The following A2ML1 variants were observed in gnomAD, a reference collection of about 807,000 sequenced individuals.
The protein encoded by A2ML1 is alpha-2-macroglobulin-like protein 1.
A neutral mutation model predicts 181.9 loss-of-function variants in A2ML1; 161 were observed. The ratio of observed to expected loss-of-function variants is 0.89; its 90% CI spans 0.78 to 1.01. A2ML1 has a LOEUF of 1.01. Among genes scored for constraint, A2ML1 ranks in the 50% least tolerant of loss-of-function variants. The pLI, the probability that A2ML1 is intolerant of heterozygous loss-of-function variation, is 0.00. For missense variants in A2ML1, 1,670 were observed against 1,768.1 expected (o/e 0.94, Z 1.00); for synonymous variants, 663 against 666.8 (o/e 0.99, Z 0.09).
intron 3 of A2ML1, among the ~76,000 whole-genome samples, chr12:8,826,899 G>A (rs150328902): frequency 7.9e-5 from 12 of 152,158 alleles, no homozygotes; most frequent in African/African-American, 2.4e-4. Flanking sequence ...GGTTACACGC[G>A]TAAGCCACCA....
At chr12:8,843,091 T>G (rs2136814309) in intron 11 of A2ML1, 43 bp from the exon 12 acceptor site, 1 of 1,575,724 alleles carries the variant, frequency 6.3e-7, no homozygotes, top group East Asian at 2.2e-5. Flanking sequence ...GTTTCCATGG[T>G]TGGAGCACAT....
intron 28 of A2ML1, among the ~76,000 whole-genome samples, chr12:8,862,177 C>T (rs180779601): frequency 1.1e-3 from 170 of 152,226 alleles, no homozygotes; most frequent in Non-Finnish European, 2.1e-3. Flanking sequence ...TGTAGGACCA[C>T]TTTAAATATT....
intron 7 of A2ML1, among the ~76,000 whole-genome samples, chr12:8,885,109 T>C (rs1944909446): frequency 6.6e-6 from 1 of 152,054 alleles, no homozygotes; most frequent in African/African-American, 2.4e-5. Flanking sequence ...ATTTTCAGAC[T>C]TGCAAAAAGT....
intron 29 of A2ML1, among the ~76,000 whole-genome samples, chr12:8,867,146 A>G (rs1944450229): frequency 6.6e-6 from 1 of 152,202 alleles, no homozygotes; most frequent in Non-Finnish European, 1.5e-5. Context: ...CAGTTAAATG[A>G]CTTCATAGAC....
intron 4 of A2ML1, among the ~76,000 whole-genome samples, chr12:8,831,910 C>T (rs777036954): frequency 1.3e-4 from 20 of 152,120 alleles, no homozygotes; most frequent in African/African-American, 4.6e-4. Context: ...CCAACACGCC[C>T]GGCTAATTTT....
At position 8,841,420 on chromosome 12, in the gene A2ML1, C is replaced by T. The variant is rs1565471559; in HGVS notation, c.1132C>T (p.Leu378=). 6.2e-7 allele frequency: 1 copy of T among 1,614,112 alleles called. No homozygotes were observed. The stretch of plus-strand genomic sequence containing the variant: ...CTTCCTCAAGAACCATCTAGTGTTT[C>T]TGGTGATTTATGGCACAAATGGAAC... ...DSFLKNHLVF[L]VIYGTNGTFN... is the part of the protein sequence containing the mutation. The change falls in exon 11 of 36, where the codon CTG becomes TTG. Residue 378 remains leucine, a synonymous_variant. Transcript: ENST00000299698.
intron 31 of A2ML1, 64 bp downstream of exon 31, chr12:8,868,421 C>G: frequency 6.3e-7 from 1 of 1,597,512 alleles, no homozygotes; most frequent in Non-Finnish European, 8.5e-7. Flanking sequence ...AGCTGGGACA[C>G]TTGTGTGTGT....
At chr12:8,839,945 C>G (rs1324014949) in intron 10 of A2ML1, among the ~76,000 whole-genome samples, 2 of 152,040 alleles carry the variant, frequency 1.3e-5, no homozygotes, top group African/African-American at 4.8e-5. Flanking sequence ...TGGGGTTTCT[C>G]CATGTTGGTC....
chr12:8,872,378 C>G (rs1439347370), intron 33 of A2ML1, among the ~76,000 whole-genome samples: 1 of 151,814 alleles, frequency 6.6e-6, no homozygotes, highest in East Asian at 1.9e-4. Context: ...AACTATTGGT[C>G]TTTATCATAT....
chr12:8,857,440 C>A, intron 24 of A2ML1, 67 bp from the exon 25 acceptor site: 1 of 1,607,532 alleles, frequency 6.2e-7, no homozygotes, highest in Non-Finnish European at 8.5e-7. Flanking sequence ...TGTCCCATAT[C>A]CTTGAACGGC....
chr12:8,839,870 C>G (rs1352084521), intron 10 of A2ML1, among the ~76,000 whole-genome samples: 1 of 152,118 alleles, frequency 6.6e-6, no homozygotes, highest in Non-Finnish European at 1.5e-5. Flanking sequence ...GTCTCAGCCT[C>G]CTGAGTAGCT....
Position 8,863,670 on chromosome 12 carries a change from TTTTTTCTAC to T in A2ML1, c.3503-122_3503-114del. 4.5e-6 allele frequency: 4 copies of T among 891,894 alleles called. No homozygotes were observed. The East Asian group carries it at 1.1e-4, about 24-fold the overall frequency. 55.2% of individuals were successfully genotyped at this position (891,894 alleles called of 1,614,324 possible). A position where few individuals can be genotyped will look rare whatever the true frequency, so the allele number is the denominator to read the frequency against. On this transcript the variant is annotated intron_variant, in intron 28 of 35. Coordinates refer to ENST00000299698, the MANE Select transcript of A2ML1 (RefSeq NM_144670.6). ...ATTAATCAGCTAAATCTAAGAAATT[TTTTTTCTAC>T]TCTGTTTAATTCTCAGTTGGTACTT... is the stretch of plus-strand genomic sequence containing the variant.
At position 8,829,737 on chromosome 12, in the gene A2ML1, C is replaced by A. The variant is rs761859504; in HGVS notation, c.420C>A (p.Arg140=). 2 of 1,613,730 alleles carry A rather than the reference C, an allele frequency of 1.2e-6. No homozygotes were observed. The highest frequency in any genetic ancestry group is 1.7e-5 in the Admixed American group (1 of 59,992). Residue 140 remains arginine (R), a synonymous_variant, in exon 4 of 36, where the codon CGC becomes CGA. Coordinates refer to ENST00000299698, the MANE Select transcript of A2ML1 (RefSeq NM_144670.6). ...CCTGTTCCTTTCCAGTGTATTTCCG[C>A]ATTGTCACCATGGATAGCAACTTCG... ...LYTPGQQVYF[R]IVTMDSNFVP...
At chr12:8,873,423 C>T (rs1944696004) in intron 33 of A2ML1, among the ~76,000 whole-genome samples, 1 of 152,038 alleles carries the variant, frequency 6.6e-6, no homozygotes, top group Non-Finnish European at 1.5e-5. Context: ...CTTAGATTCT[C>T]CATTTGCTAA....
chr12:8,848,435 C>T (rs1453602565), intron 15 of A2ML1, among the ~76,000 whole-genome samples: 3 of 151,544 alleles, frequency 2.0e-5, no homozygotes, highest in Non-Finnish European at 4.4e-5. Flanking sequence ...GAGCCGAGAT[C>T]GTCCCACTGC....
In A2ML1 at chr12:8,835,540, G is replaced by T; in HGVS notation, c.517G>T (p.Glu173Ter). 1 of 1,614,176 alleles carries T rather than the reference G, an allele frequency of 6.2e-7. No homozygotes were observed. Among genetic ancestry groups the T allele is most frequent in the Non-Finnish European group, 8.5e-7 (1 of 1,180,032 alleles). ...TAGCAACAGGATTGCACAGTGGCTGGAAGTGGTACCTGAGCAAGGCATTGT... is the reference window on the plus strand; with the variant it reads ...TAGCAACAGGATTGCACAGTGGCTGTAAGTGGTACCTGAGCAAGGCATTGT... ...PNSNRIAQWLEVVPEQGIVDL... is the reference protein window; with the variant it reads ...PNSNRIAQWL The change falls in exon 6 of 36, where the codon GAA becomes TAA. Residue 173 changes from glutamate to a stop codon, truncating the protein, a stop_gained. Coordinates refer to ENST00000299698, the MANE Select transcript of A2ML1 (RefSeq NM_144670.6). LOFTEE classifies it high-confidence loss of function.
At chr12:8,866,461 TTATAATA>T (rs1331198904) in intron 29 of A2ML1, among the ~76,000 whole-genome samples, 1 of 152,024 alleles carries the variant, frequency 6.6e-6, no homozygotes, top group Non-Finnish European at 1.5e-5. Context: ...TCCTGAATAA[TTATAATA>T]TATAATAATA....
At position 8,851,802 on chromosome 12, in the gene A2ML1, G is replaced by A. The variant is rs375611706; in HGVS notation, c.2253G>A (p.Ala751=). 4.9e-5 allele frequency: 79 copies of A among 1,613,932 alleles called. No individual in the cohort carries two copies. Among genetic ancestry groups the A allele is most frequent in the East Asian group, 6.7e-5 (3 of 44,894 alleles). The part of the protein sequence containing the change: ...LFPIGNSGKE[A]VHVTVPDAIT... The stretch of plus-strand genomic sequence containing the variant: ...TTCACAGTAACTCGGGGAAGGAGGC[G>A]GTCCACGTCACAGTTCCTGACGCCA... Residue 751 remains alanine (A), a synonymous_variant, in exon 19 of 36, where the codon GCG becomes GCA. Coordinates refer to ENST00000299698, the MANE Select transcript of A2ML1 (RefSeq NM_144670.6).
chr12:8,837,811 C>T (rs1357566541), intron 8 of A2ML1, among the ~76,000 whole-genome samples: 1 of 147,230 alleles, frequency 6.8e-6, no homozygotes, highest in Non-Finnish European at 1.5e-5. Flanking sequence ...ACCCGGGAGG[C>T]GGAGGTTGCA....
Sources: gnomAD v4.1 joint callset for allele counts (sites outside exome capture counted in the v4.1 genomes callset) on GRCh38, gnomAD v4.1.1 for gene constraint, MANE v1.5 for transcripts, NCBI Gene and HGNC (gene_info 2026-07-23, HGNC 2026-07-21) for gene names.